COL4A5: variants seen among roughly 807,000 people sequenced by gnomAD.
COL4A5 encodes collagen alpha-5(IV) chain.
COL4A5 carries 26 observed loss-of-function variants against 130.2 expected under a neutral mutation model. The ratio of observed to expected loss-of-function variants is 0.20; its 90% CI spans 0.15 to 0.28. COL4A5 has a LOEUF of 0.28. Ranked by LOEUF, COL4A5 falls within the 10% of genes least tolerant of loss-of-function variation. The pLI is 1.00. For missense variants in COL4A5, 1,131 were observed against 1,344.3 expected, an observed-to-expected ratio of 0.84 and a Z score of 2.48; for synonymous variants, 496 against 439.6, an observed-to-expected ratio of 1.13 and a Z score of -1.60.
Position 108,692,751 on chromosome X carries a change from C to T in COL4A5, c.4532C>T (p.Thr1511Met), listed in dbSNP as rs1018378168. The change falls in exon 50 of 53, where the codon ACG becomes ATG. Residue 1511 changes from threonine (T) to methionine (M), a missense_variant. Thr to Met is a moderately conservative substitution (Grantham distance 81, BLOSUM62 -1). Coordinates refer to ENST00000328300, the MANE Select transcript of COL4A5 (RefSeq NM_033380.3). ...NKRAHGQDLGTAGSCLRRFST... is the reference protein window; with the variant it reads ...NKRAHGQDLGMAGSCLRRFST... The stretch of plus-strand genomic sequence containing the variant: ...TTTTCTCTCCAAATCTTTCTAGGGA[C>T]GGCTGGCAGCTGCCTTCGTCGCTTT... 11 of 1,208,614 alleles carry T rather than the reference C, an allele frequency of 9.1e-6. No individual in the cohort carries two copies. The highest frequency in any genetic ancestry group is 5.9e-5 in the East Asian group (2 of 33,770).
chrX:108,460,637 C>G (rs1603247479), intron 1 of COL4A5, among the ~76,000 whole-genome samples: 1 of 101,710 alleles, frequency 9.8e-6, no homozygotes, highest in African/African-American at 3.6e-5. Flanking sequence ...TTACAGATGC[C>G]TGCCACCACG....
intron 36 of COL4A5, among the ~76,000 whole-genome samples, chrX:108,634,413 G>T (rs967962546): frequency 3.6e-5 from 4 of 111,182 alleles, no homozygotes; most frequent in Non-Finnish European, 7.6e-5. Flanking sequence ...AAAGGATGAA[G>T]ATGTCACAGA....
intron 1 of COL4A5, among the ~76,000 whole-genome samples, chrX:108,497,895 T>C (rs1035146580): frequency 1.8e-5 from 2 of 111,737 alleles, no homozygotes; most frequent in African/African-American, 3.2e-5. Flanking sequence ...CTGTTTTTTA[T>C]ATATTATGGA....
intron 4 of COL4A5, among the ~76,000 whole-genome samples, chrX:108,567,697 G>C (rs1415716497): frequency 9.0e-6 from 1 of 111,463 alleles, no homozygotes; most frequent in African/African-American, 3.3e-5. Flanking sequence ...AAGAGCAAAG[G>C]GACATCATAC....
chrX:108,621,449 G>A (rs2067049417), intron 31 of COL4A5, among the ~76,000 whole-genome samples: 1 of 110,910 alleles, frequency 9.0e-6, no homozygotes, highest in Non-Finnish European at 1.9e-5. Context: ...ATAGGCATGA[G>A]CCACTGTGAC....
chrX:108,588,708 A>G (rs942369537), intron 19 of COL4A5, among the ~76,000 whole-genome samples: 1 of 111,441 alleles, frequency 9.0e-6, no homozygotes, highest in African/African-American at 3.2e-5. Flanking sequence ...AAGGTCCATA[A>G]CTAGACACAT....
intron 2 of COL4A5, among the ~76,000 whole-genome samples, chrX:108,548,949 G>A (rs1352896729): frequency 9.0e-6 from 1 of 111,355 alleles, no homozygotes; most frequent in Non-Finnish European, 1.9e-5. Context: ...TATTCATGAA[G>A]AGGCTTGCAT....
chrX:108,505,334 A>T (rs1970876692), intron 1 of COL4A5, among the ~76,000 whole-genome samples: 1 of 110,383 alleles, frequency 9.1e-6, no homozygotes, highest in Non-Finnish European at 1.9e-5. Context: ...TTGCCACTAT[A>T]CAATTCATCC....
chrX:108,695,775 C>T (rs1206403080), intron 52 of COL4A5: 1 of 278,671 alleles, frequency 3.6e-6, no homozygotes, highest in Non-Finnish European at 6.5e-6. Context: ...TGTCTTTTCC[C>T]TCTCAGTCCA....
intron 2 of COL4A5, among the ~76,000 whole-genome samples, chrX:108,540,736 A>G (rs1296391007): frequency 1.8e-5 from 2 of 112,361 alleles, no homozygotes; most frequent in Non-Finnish European, 3.8e-5. Flanking sequence ...CACCATGCCC[A>G]GCTGAATGTT....
chrX:108,492,386 A>T (rs2065000473), intron 1 of COL4A5, among the ~76,000 whole-genome samples: 1 of 112,258 alleles, frequency 8.9e-6, no homozygotes, highest in South Asian at 3.7e-4. Flanking sequence ...CACTAAACAA[A>T]CAAACAACTA....
At chrX:108,661,797 A>G (rs980364295) in intron 37 of COL4A5, among the ~76,000 whole-genome samples, 1 of 111,561 alleles carries the variant, frequency 9.0e-6, no homozygotes, top group African/African-American at 3.3e-5. Context: ...TTGTTATAGC[A>G]GGGCTATTTC....
chrX:108,477,187 CT>C (rs1569475252), intron 1 of COL4A5, among the ~76,000 whole-genome samples: 1 of 111,867 alleles, frequency 8.9e-6, no homozygotes. Context: ...AGGAGCAATG[CT>C]TTGTATCCTT....
chrX:108,508,437 A>G (rs760023536), intron 1 of COL4A5, among the ~76,000 whole-genome samples: 4 of 109,853 alleles, frequency 3.6e-5, no homozygotes, highest in Non-Finnish European at 5.7e-5. Flanking sequence ...AGGAAAAATC[A>G]ATATCATTAA....
At chrX:108,528,263 C>G (rs1270964909) in intron 1 of COL4A5, among the ~76,000 whole-genome samples, 1 of 112,443 alleles carries the variant, frequency 8.9e-6, no homozygotes, top group South Asian at 3.7e-4. Flanking sequence ...ATAAACACCA[C>G]TAATGCTGTT....
chrX:108,498,565 C>A (rs1245106414), intron 1 of COL4A5, among the ~76,000 whole-genome samples: 1 of 111,322 alleles, frequency 9.0e-6, no homozygotes, highest in Non-Finnish European at 1.9e-5. Flanking sequence ...TGTAGTGAAT[C>A]TATGGGCAAA....
At chrX:108,458,853 G>A (rs1238993670) in intron 1 of COL4A5, among the ~76,000 whole-genome samples, 2 of 111,040 alleles carry the variant, frequency 1.8e-5, no homozygotes, top group African/African-American at 6.6e-5. Flanking sequence ...GGTGGCGGGC[G>A]CCTGTAGTCC....
intron 1 of COL4A5, among the ~76,000 whole-genome samples, chrX:108,475,529 G>T (rs888168903): frequency 9.0e-6 from 1 of 111,468 alleles, no homozygotes; most frequent in African/African-American, 3.3e-5. Context: ...TCTATTATTA[G>T]TGGGAAGGCA....
At position 108,614,999 on chromosome X, in the gene COL4A5, G is replaced by A; in HGVS notation, c.2484G>A (p.Gly828=). 1 of 1,205,459 alleles carries A rather than the reference G, an allele frequency of 8.3e-7. No individual in the cohort carries two copies. The highest frequency in any genetic ancestry group is 1.1e-6 in the Non-Finnish European group (1 of 889,834). ...IGVQGPPGPP[G]IPGPIGQPGL... is the part of the protein sequence containing the mutation. ...TTCAGGGACCACCAGGACCACCAGG[G>A]ATTCCTGGGCCAATAGGTCAACCTG... is the stretch of plus-strand genomic sequence containing the variant. Residue 828 remains glycine (G), a synonymous_variant, in exon 30 of 53, where the codon GGG becomes GGA. Coordinates refer to ENST00000328300, the MANE Select transcript of COL4A5 (RefSeq NM_033380.3).
Sources: allele counts gnomAD v4.1 joint callset (sites outside exome capture counted in the v4.1 genomes callset), GRCh38; gene constraint gnomAD v4.1.1; transcripts MANE v1.5; gene names NCBI Gene and HGNC (gene_info 2026-07-23, HGNC 2026-07-21).